The following PKNOX2 variants were observed in gnomAD, a reference collection of about 807,000 sequenced individuals.
The protein encoded by PKNOX2 is PBX/knotted 1 homeobox 2, also known as homeobox protein PKNOX2.
PKNOX2 carries 14 observed loss-of-function variants against 53.1 expected under a neutral mutation model. The observed-to-expected ratio is 0.26, with a 90% CI of 0.17 to 0.41. The LOEUF is 0.41. Ranked by LOEUF, PKNOX2 falls within the 10% of genes least tolerant of loss-of-function variation. PKNOX2 has a pLI of 1.00. For synonymous variants in PKNOX2, 257 were observed against 242.8 expected (o/e 1.06, Z -0.54); for missense variants, 496 against 602.8 (o/e 0.82, Z 1.85).
intron 2 of PKNOX2, among the ~76,000 whole-genome samples, chr11:125,295,308 A>G (rs1231912225): frequency 6.6e-6 from 1 of 152,254 alleles, no homozygotes; most frequent in Non-Finnish European, 1.5e-5. Flanking sequence ...CTGGACGTCC[A>G]AAGAAAATGT....
intron 4 of PKNOX2, among the ~76,000 whole-genome samples, chr11:125,363,022 G>T (rs1216561317): frequency 1.3e-5 from 2 of 152,216 alleles, no homozygotes; most frequent in Non-Finnish European, 1.5e-5. Flanking sequence ...CGAGCTTAAG[G>T]CAGAACTGGT....
chr11:125,260,781 A>AG (rs1360213887), intron 2 of PKNOX2, among the ~76,000 whole-genome samples: 2 of 152,148 alleles, frequency 1.3e-5, no homozygotes, highest in Non-Finnish European at 1.5e-5. Context: ...TGTGGCCTTG[A>AG]GGACAACTTT....
At chr11:125,189,357 A>T (rs1240370581) in intron 1 of PKNOX2, among the ~76,000 whole-genome samples, 1 of 89,024 alleles carries the variant, frequency 1.1e-5, no homozygotes, top group Non-Finnish European at 2.6e-5. Context: ...AATTCTAATT[A>T]TATATATATA....
At chr11:125,312,816 G>A (rs1948901906) in intron 2 of PKNOX2, among the ~76,000 whole-genome samples, 1 of 152,210 alleles carries the variant, frequency 6.6e-6, no homozygotes, top group African/African-American at 2.4e-5. Flanking sequence ...AGAGGGGCCA[G>A]GATGATCAGA....
intron 5 of PKNOX2, among the ~76,000 whole-genome samples, chr11:125,368,320 T>C (rs1952308104): frequency 6.6e-6 from 1 of 152,152 alleles, no homozygotes; most frequent in African/African-American, 2.4e-5. Context: ...TGTCCTGTTG[T>C]TGCTTTCCCT....
chr11:125,257,692 C>T (rs12285617), intron 2 of PKNOX2, among the ~76,000 whole-genome samples: 1 of 152,060 alleles, frequency 6.6e-6, no homozygotes, highest in Admixed American at 6.5e-5. Context: ...GTCCACCACA[C>T]GGCAAGGACT....
At chr11:125,310,174 T>C (rs1948716899) in intron 2 of PKNOX2, among the ~76,000 whole-genome samples, 1 of 152,080 alleles carries the variant, frequency 6.6e-6, no homozygotes, top group African/African-American at 2.4e-5. Flanking sequence ...GCCATTCTGG[T>C]TCTTGGTCAT....
intron 1 of PKNOX2, among the ~76,000 whole-genome samples, chr11:125,175,250 A>AGG (rs55800647): frequency 0.063 from 5,218 of 82,998 alleles, 129 homozygotes; most frequent in Middle Eastern, 0.088. Flanking sequence ...GAAGGAAGGA[A>AGG]AGAAGGAAGG....
chr11:125,406,335 G>C (rs1347738050), intron 7 of PKNOX2, among the ~76,000 whole-genome samples: 2 of 152,180 alleles, frequency 1.3e-5, no homozygotes, highest in African/African-American at 4.8e-5. Context: ...ACGATGCTTA[G>C]GATCCTGGGA....
intron 10 of PKNOX2, among the ~76,000 whole-genome samples, chr11:125,412,551 A>G (rs1955623383): frequency 6.6e-6 from 1 of 152,196 alleles, no homozygotes; most frequent in African/African-American, 2.4e-5. Context: ...ATGTCAGGAA[A>G]GACTTCAAAA....
chr11:125,404,872 G>T (rs1954979712), intron 7 of PKNOX2, among the ~76,000 whole-genome samples: 1 of 152,222 alleles, frequency 6.6e-6, no homozygotes, highest in African/African-American at 2.4e-5. Context: ...AGGCTTTGAA[G>T]AGTCCAGAGG....
chr11:125,360,279 G>T (rs1485354622), intron 4 of PKNOX2, among the ~76,000 whole-genome samples: 1 of 152,158 alleles, frequency 6.6e-6, no homozygotes, highest in Non-Finnish European at 1.5e-5. Context: ...AAGCAAGACT[G>T]TATGCAGAGG....
In PKNOX2 at chr11:125,235,063, C is replaced by A. The variant is rs1411719623; in HGVS notation, c.-182C>A. On this transcript the variant is annotated 5_prime_UTR_variant, in exon 2 of 13. Coordinates refer to ENST00000298282, the MANE Select transcript of PKNOX2 (RefSeq NM_001382323.2). ...TTGGCAGGTGAAGTCTGGAGCAGGA[C>A]TTCTGAGGCTTTCTATCCTCCATGC... The A allele has an allele frequency of 6.6e-6, 1 of 152,630 alleles. No homozygotes were observed. Among genetic ancestry groups the A allele is most frequent in the African/African-American group, 2.4e-5 (1 of 41,434 alleles). 9.5% of individuals were successfully genotyped at this position (152,630 alleles called of 1,614,324 possible).
chr11:125,378,348 T>C (rs1952968037), intron 5 of PKNOX2, among the ~76,000 whole-genome samples: 1 of 152,244 alleles, frequency 6.6e-6, no homozygotes, highest in African/African-American at 2.4e-5. Flanking sequence ...TGACCAGGCC[T>C]CTGGTCCTGC....
chr11:125,189,679 C>T, intron 1 of PKNOX2, among the ~76,000 whole-genome samples: 1 of 151,396 alleles, frequency 6.6e-6, no homozygotes, highest in East Asian at 1.9e-4. Context: ...GAGCAAACTC[C>T]TTTCAGAAGC....
chr11:125,232,882 G>GTT (rs745941914), intron 1 of PKNOX2, among the ~76,000 whole-genome samples: 12 of 143,092 alleles, frequency 8.4e-5, no homozygotes, highest in African/African-American at 2.6e-4. Context: ...TTTTGTTTTT[G>GTT]TTTTGTTTTG....
In PKNOX2 at chr11:125,413,428, C is replaced by T. The variant is rs115066202; in HGVS notation, c.936+1563C>T. ...TGGACTCAGTGACCTGTGGGTCCAG[C>T]GTCCATGCCACAGCTCCCAGCCTAC... On this transcript the variant is annotated intron_variant, in intron 10 of 12. Transcript: ENST00000298282. Among the ~76,000 whole-genome samples, 572 of 152,280 alleles carry T rather than the reference C, an allele frequency of 3.8e-3. 3 individuals are homozygous for T. Among genetic ancestry groups the T allele is most frequent in the South Asian group, 0.028 (135 of 4,816 alleles).
At chr11:125,341,051 A>C (rs1304943612) in intron 3 of PKNOX2, among the ~76,000 whole-genome samples, 1 of 88,690 alleles carries the variant, frequency 1.1e-5, no homozygotes, top group East Asian at 2.8e-4. Flanking sequence ...CTCCATCTCA[A>C]AAAAAAAAAA....
chr11:125,410,233 T>C lies in PKNOX2; in HGVS notation c.626T>C (p.Val209Ala). 6.2e-7 allele frequency: 1 copy of C among 1,613,440 alleles called. No homozygotes were observed. The highest frequency in any genetic ancestry group is 1.3e-5 in the African/African-American group (1 of 74,766). ...LQNSPNSMSG[V>A]SNNPQGIVVP... ...AATTCCCCCAATTCCATGTCCGGAGTCTCCAATAACCCCCAGGGGATTGTG... is the reference window on the plus strand; with the variant it reads ...AATTCCCCCAATTCCATGTCCGGAGCCTCCAATAACCCCCAGGGGATTGTG... The change falls in exon 8 of 13, where the codon GTC becomes GCC. Residue 209 changes from valine to alanine, a missense_variant. Val to Ala is a moderately conservative substitution (Grantham distance 64). Around this residue, in one of 5 missense-constraint regions of PKNOX2, gnomAD observed 141 missense variants for 143.9 expected, o/e 0.98. Coordinates refer to ENST00000298282, the MANE Select transcript of PKNOX2 (RefSeq NM_001382323.2).
Sources: allele counts gnomAD v4.1 joint callset (sites outside exome capture counted in the v4.1 genomes callset), GRCh38; gene constraint gnomAD v4.1.1; regional missense constraint gnomAD v4.1.1; transcripts MANE v1.5; gene names NCBI Gene and HGNC (gene_info 2026-07-23, HGNC 2026-07-21).